MTM1: variants seen among roughly 807,000 people sequenced by gnomAD.
MTM1 encodes the protein myotubularin 1.
A neutral mutation model predicts 52.1 loss-of-function variants in MTM1; 9 were observed. That is an observed-to-expected ratio of 0.17 (90% CI 0.10 to 0.30). MTM1 has a LOEUF of 0.30. Among genes scored for constraint, MTM1 ranks in the 10% least tolerant of loss-of-function variants. The pLI is 1.00. For missense variants in MTM1, 277 were observed against 470.7 expected (o/e 0.59, Z 3.81); for synonymous variants, 136 against 163.8 (o/e 0.83, Z 1.29).
At chrX:150,614,392 G>C (rs1381821904) in intron 4 of MTM1, among the ~76,000 whole-genome samples, 197 bp from the exon 5 acceptor site, 7 of 112,007 alleles carry the variant, frequency 6.2e-5, no homozygotes, top group African/African-American at 2.3e-4. Flanking sequence ...CAAATGTTTG[G>C]GGATGCATTT....
intron 13 of MTM1, among the ~76,000 whole-genome samples, chrX:150,662,326 T>A (rs1163302600): frequency 1.8e-5 from 2 of 112,147 alleles, no homozygotes; most frequent in Non-Finnish European, 3.8e-5. Context: ...AAGACATTTC[T>A]TTTATTTTTC....
intron 1 of MTM1, among the ~76,000 whole-genome samples, chrX:150,569,211 C>G (rs963187290): frequency 8.8e-6 from 1 of 113,582 alleles, no homozygotes; most frequent in African/African-American, 3.2e-5. Context: ...GGTTTATCTG[C>G]TTTTGCAACA....
intron 5 of MTM1, among the ~76,000 whole-genome samples, chrX:150,616,466 G>T (rs1042050607): frequency 1.8e-5 from 2 of 111,688 alleles, no homozygotes; most frequent in African/African-American, 6.5e-5. Flanking sequence ...TGATACAACC[G>T]CATTTCTCTC....
At chrX:150,612,664 G>A (rs917109783) in intron 4 of MTM1, among the ~76,000 whole-genome samples, 8 of 111,762 alleles carry the variant, frequency 7.2e-5, no homozygotes, top group African/African-American at 2.6e-4. Context: ...GGACAACATA[G>A]TAAGACTCTG....
chrX:150,630,404 A>G (rs1404227370), intron 6 of MTM1, among the ~76,000 whole-genome samples: 1 of 111,706 alleles, frequency 9.0e-6, no homozygotes, highest in Non-Finnish European at 1.9e-5. Flanking sequence ...GGAGGTCTTT[A>G]TTCTGCTTAC....
chrX:150,583,500 TAA>T (rs2038670655), intron 1 of MTM1, among the ~76,000 whole-genome samples: 1 of 33,087 alleles, frequency 3.0e-5, no homozygotes, highest in South Asian at 4.5e-3. Context: ...ATATAAATTA[TAA>T]ATATATATAA....
intron 13 of MTM1, 84 bp downstream of exon 13, chrX:150,660,568 C>T: frequency 1.7e-6 from 1 of 598,049 alleles, no homozygotes; most frequent in Non-Finnish European, 2.8e-6. Flanking sequence ...AATATGATAG[C>T]TTGTAAGACA....
upstream of MTM1, among the ~76,000 whole-genome samples, chrX:150,567,683 A>G: frequency 9.0e-6 from 1 of 111,030 alleles, no homozygotes; most frequent in Admixed American, 9.5e-5. Context: ...CTTCCCGAGC[A>G]GCTGGTATTA....
At chrX:150,578,649 T>G (rs1230829766) in intron 1 of MTM1, among the ~76,000 whole-genome samples, 2 of 111,557 alleles carry the variant, frequency 1.8e-5, no homozygotes, top group South Asian at 7.5e-4. Flanking sequence ...CCCACACATT[T>G]TGGTAATTTT....
chrX:150,659,876 G>A, intron 12 of MTM1, 120 bp downstream of exon 12: 1 of 584,483 alleles, frequency 1.7e-6, no homozygotes, highest in Non-Finnish European at 2.9e-6. Flanking sequence ...AAGCAAGACT[G>A]GGCATGTGTG....
chrX:150,594,223 C>T (rs1427065070), intron 2 of MTM1, among the ~76,000 whole-genome samples: 3 of 108,628 alleles, frequency 2.8e-5, no homozygotes, highest in African/African-American at 6.7e-5. Flanking sequence ...GATTCTCGTG[C>T]CTCAGCCTCC....
chrX:150,663,371 G>A lies in MTM1; in HGVS notation c.1468-62G>A. The A allele has an allele frequency of 6.1e-6, 7 of 1,150,960 alleles. No homozygotes were observed. The South Asian group carries it at 9.1e-5, about 15-fold the overall frequency. The allele number at this position is 1,150,960 out of a possible 1,213,427, so 94.9% of individuals were successfully genotyped here. A position where few individuals can be genotyped will look rare whatever the true frequency, so the allele number is the denominator to read the frequency against. ...CTGTATTGCTACAGGCTGCAAAATG[G>A]TTTGTGGATTTATGTGTGTTTTTAC... On this transcript the variant is annotated intron_variant, in intron 13 of 14. Transcript: ENST00000370396.
chrX:150,610,202 C>G (rs184573034), intron 4 of MTM1, among the ~76,000 whole-genome samples: 1 of 111,588 alleles, frequency 9.0e-6, no homozygotes, highest in African/African-American at 3.3e-5. Context: ...CCTCCTTTGA[C>G]CTCCCCTTTC....
chrX:150,663,307 T>G, intron 13 of MTM1, 126 bp from the exon 14 acceptor site: 43 of 752,547 alleles, frequency 5.7e-5, no homozygotes, highest in Non-Finnish European at 8.4e-5. Flanking sequence ...TGAGCTATTA[T>G]GAGGATAATG....
At chrX:150,644,564 G>C (rs1298122112) in intron 8 of MTM1, among the ~76,000 whole-genome samples, 1 of 111,757 alleles carries the variant, frequency 8.9e-6, no homozygotes, top group African/African-American at 3.3e-5. Flanking sequence ...TAACTTCAGA[G>C]ACATCAGGGA....
At chrX:150,632,868 A>G (rs1322507449) in intron 6 of MTM1, among the ~76,000 whole-genome samples, 12 of 110,885 alleles carry the variant, frequency 1.1e-4, no homozygotes, top group Admixed American at 9.5e-4. Context: ...CATTTTGGTT[A>G]TGTTGAGTTG....
intron 14 of MTM1, among the ~76,000 whole-genome samples, chrX:150,668,514 C>T (rs186421353): frequency 4.2e-5 from 4 of 95,932 alleles, no homozygotes; most frequent in African/African-American, 1.6e-4. Flanking sequence ...TAGTGAGACC[C>T]CCTCCTCCAT....
At chrX:150,620,697 C>A (rs782065540) in intron 6 of MTM1, among the ~76,000 whole-genome samples, 21 of 111,965 alleles carry the variant, frequency 1.9e-4, no homozygotes, top group Non-Finnish European at 3.4e-4. Context: ...ATTAACTTTG[C>A]CTTGATGGTT....
At chrX:150,625,719 A>G (rs1449538978) in intron 6 of MTM1, among the ~76,000 whole-genome samples, 12 of 112,602 alleles carry the variant, frequency 1.1e-4, no homozygotes, top group South Asian at 3.6e-4. Context: ...CACATTCTGC[A>G]TGAAGCTCTT....
Sources: allele counts gnomAD v4.1 joint callset (sites outside exome capture counted in the v4.1 genomes callset), GRCh38; gene constraint gnomAD v4.1.1; transcripts MANE v1.5; gene names NCBI Gene and HGNC (gene_info 2026-07-23, HGNC 2026-07-21).